The following C1orf105 variants were observed in gnomAD, a reference collection of about 807,000 sequenced individuals.
C1orf105 encodes chromosome 1 open reading frame 105.
In C1orf105, 17 loss-of-function variants were observed where a neutral mutation model predicts 20.8. That is an observed-to-expected ratio of 0.82 (90% CI 0.56 to 1.23). C1orf105 has a LOEUF of 1.23. Ranked by LOEUF, C1orf105 falls within the 50% of genes most tolerant of loss-of-function variation. C1orf105 has a pLI of 0.00. For missense variants in C1orf105, 219 were observed against 213.5 expected, an observed-to-expected ratio of 1.03 and a Z score of -0.16; for synonymous variants, 72 against 72.1, an observed-to-expected ratio of 1.00 and a Z score of 0.01.
chr1:172,433,425 C>T (rs188642971), intron 1 of C1orf105, among the ~76,000 whole-genome samples: 8 of 152,298 alleles, frequency 5.3e-5, no homozygotes, highest in Non-Finnish European at 7.4e-5. Flanking sequence ...CCCTACAAGC[C>T]AGAAGAGAGT....
chr1:172,433,893 A>C (rs1230880244), intron 1 of C1orf105, among the ~76,000 whole-genome samples: 4 of 152,226 alleles, frequency 2.6e-5, no homozygotes, highest in Non-Finnish European at 5.9e-5. Flanking sequence ...GGCTCAAAAT[A>C]AAAGGATGGA....
intron 2 of C1orf105, among the ~76,000 whole-genome samples, chr1:172,446,108 A>G (rs1477786267): frequency 6.6e-6 from 1 of 152,218 alleles, no homozygotes; most frequent in Non-Finnish European, 1.5e-5. Flanking sequence ...CTCAGTAAAT[A>G]GGTAGACGGT....
chr1:172,461,172 A>T (rs1392056428), intron 4 of C1orf105, among the ~76,000 whole-genome samples: 1 of 152,168 alleles, frequency 6.6e-6, no homozygotes, highest in Admixed American at 6.5e-5. Context: ...TTACCAGATC[A>T]GCTCCTTCCT....
chr1:172,424,882 T>TG (rs2071684711), intron 1 of C1orf105, among the ~76,000 whole-genome samples: 2 of 152,148 alleles, frequency 1.3e-5, no homozygotes, highest in Admixed American at 1.3e-4. Flanking sequence ...GCCCACAGTG[T>TG]TCTCACTGAC....
In C1orf105 at chr1:172,449,793, G is replaced by A. The variant is rs147446266; in HGVS notation, c.198+1262G>A. Reference sequence around the variant, plus strand: ...ATGACGTGCACTGGGTAGAGGTGGGGGATGAGCGGGGAGGCAGGACTGGCT... The same window carrying A: ...ATGACGTGCACTGGGTAGAGGTGGGAGATGAGCGGGGAGGCAGGACTGGCT... On this transcript the variant is annotated intron_variant, in intron 3 of 6. Transcript: ENST00000367727. 3.1e-3 allele frequency among the ~76,000 whole-genome samples: 465 copies of A among 152,330 alleles called. 2 individuals are homozygous for A. Among genetic ancestry groups the A allele is most frequent in the South Asian group, 0.027 (130 of 4,828 alleles).
intron 3 of C1orf105, among the ~76,000 whole-genome samples, chr1:172,451,867 C>CTTTTTTTTT (rs11462736): frequency 1.4e-4 from 12 of 85,186 alleles, no homozygotes; most frequent in African/African-American, 2.4e-4. Context: ...TATATGGATT[C>CTTTTTTTTT]TTTTTTTTTT....
chr1:172,456,537 G>T (rs2149186328), intron 4 of C1orf105, 48 bp downstream of exon 4: 1 of 1,558,134 alleles, frequency 6.4e-7, no homozygotes, highest in East Asian at 2.2e-5. Context: ...TCAGGGTGCA[G>T]CACTGCCCTT....
intron 3 of C1orf105, among the ~76,000 whole-genome samples, chr1:172,451,677 A>G (rs934716803): frequency 6.6e-6 from 1 of 152,140 alleles, no homozygotes; most frequent in Non-Finnish European, 1.5e-5. Flanking sequence ...ATGTAGGGAT[A>G]TGGATATTAT....
intron 1 of C1orf105, chr1:172,431,188 A>G (rs1336800468): frequency 4.5e-6 from 2 of 440,152 alleles, no homozygotes; most frequent in Non-Finnish European, 4.0e-6. Context: ...AGCTTAGTGA[A>G]GAAGGCATAT....
intron 1 of C1orf105, chr1:172,441,467 AT>A (rs1417130070): frequency 9.9e-6 from 3 of 303,764 alleles, no homozygotes; most frequent in East Asian, 5.5e-5. Context: ...TGGATGTGTT[AT>A]TTTTTTAATA....
chr1:172,466,206 G>T (rs1244247836), intron 6 of C1orf105, among the ~76,000 whole-genome samples: 1 of 152,176 alleles, frequency 6.6e-6, no homozygotes, highest in Non-Finnish European at 1.5e-5. Context: ...GTCTTGAGGG[G>T]ATGCCAAAAG....
At position 172,445,160 on chromosome 1, in the gene C1orf105, T is replaced by A. The variant is rs371586803; in HGVS notation, c.107+2T>A. 6.2e-7 allele frequency: 1 copy of A among 1,609,434 alleles called. No individual in the cohort carries two copies. Among genetic ancestry groups the A allele is most frequent in the Admixed American group, 1.7e-5 (1 of 59,132 alleles). On this transcript the variant is annotated splice_donor_variant, in intron 2 of 6. Transcript: ENST00000367727. LOFTEE classifies it high-confidence loss of function. Reference sequence around the variant, plus strand: ...ATTAGTGCTCAGCCTTCCCAGAAGGTAACCTCTCAGCCACCGAGGGCAAAA... The same window carrying A: ...ATTAGTGCTCAGCCTTCCCAGAAGGAAACCTCTCAGCCACCGAGGGCAAAA...
At chr1:172,451,518 C>T (rs6674073) in intron 3 of C1orf105, among the ~76,000 whole-genome samples, 39,411 of 152,062 alleles carry the variant, frequency 0.26, 5,458 homozygotes, top group East Asian at 0.35. Flanking sequence ...ACCAAGGAAA[C>T]TACCTCATAT....
chr1:172,452,048 T>C (rs1489135805), intron 3 of C1orf105, among the ~76,000 whole-genome samples: 1 of 151,882 alleles, frequency 6.6e-6, no homozygotes, highest in Non-Finnish European at 1.5e-5. Flanking sequence ...AATTTTTGTA[T>C]TTTTAGTAGA....
At chr1:172,461,733 C>G (rs1264235890) in intron 4 of C1orf105, among the ~76,000 whole-genome samples, 1 of 152,164 alleles carries the variant, frequency 6.6e-6, no homozygotes, top group Non-Finnish European at 1.5e-5. Context: ...AAGGTCTATG[C>G]CCTCATGAAG....
chr1:172,430,680 A>G (rs567443590), intron 1 of C1orf105, among the ~76,000 whole-genome samples: 2 of 152,028 alleles, frequency 1.3e-5, no homozygotes, highest in Non-Finnish European at 2.9e-5. Context: ...GGTTCAAGCA[A>G]TTTTCCCACC....
chr1:172,465,713 G>A (rs1364265774), intron 6 of C1orf105: 1 of 471,602 alleles, frequency 2.1e-6, no homozygotes, highest in Non-Finnish European at 4.2e-6. Context: ...AATGGGAAGG[G>A]AACTGCATCT....
At chr1:172,451,517 A>T (rs1648633557) in intron 3 of C1orf105, among the ~76,000 whole-genome samples, 5 of 152,198 alleles carry the variant, frequency 3.3e-5, no homozygotes, top group Admixed American at 3.3e-4. Context: ...TACCAAGGAA[A>T]CTACCTCATA....
intron 1 of C1orf105, chr1:172,431,067 T>C: frequency 1.5e-6 from 1 of 659,508 alleles, no homozygotes; most frequent in Non-Finnish European, 2.7e-6. Context: ...CCCTATTTCC[T>C]GAGACACAAC....
Sources: allele counts gnomAD v4.1 joint callset (sites outside exome capture counted in the v4.1 genomes callset), GRCh38; gene constraint gnomAD v4.1.1; transcripts MANE v1.5; gene names NCBI Gene and HGNC (gene_info 2026-07-23, HGNC 2026-07-21).